The following ZNF681 variants were observed in gnomAD, a reference collection of about 807,000 sequenced individuals.
ZNF681 encodes zinc finger protein 681.
In ZNF681, 37 loss-of-function variants were observed where a neutral mutation model predicts 56.0. The observed-to-expected ratio is 0.66, with a 90% CI of 0.51 to 0.87. The LOEUF is 0.87. Among genes scored for constraint, ZNF681 ranks in the 40% least tolerant of loss-of-function variants. The probability of loss-of-function intolerance (pLI) is 0.00; values close to 1 mark genes in which losing one functional copy is unlikely to be tolerated. For synonymous variants in ZNF681, 225 were observed against 248.6 expected (o/e 0.91, Z 0.89); for missense variants, 741 against 744.9 (o/e 0.99, Z 0.06).
At chr19:23,758,717 C>CT in intron 1 of ZNF681, 30 bp downstream of exon 1, 1 of 1,614,214 alleles carries the variant, frequency 6.2e-7, no homozygotes, top group Non-Finnish European at 8.5e-7. Flanking sequence ...CCCTTCCCCT[C>CT]TCTCGGGATG....
chr19:23,758,444 C>G (rs1286330876), intron 1 of ZNF681, among the ~76,000 whole-genome samples: 2 of 152,188 alleles, frequency 1.3e-5, no homozygotes, highest in Non-Finnish European at 2.9e-5. Flanking sequence ...GAACCCGGCA[C>G]CCGTCAGGAT....
chr19:23,748,174 CATT>C (rs1968973065), intron 3 of ZNF681, among the ~76,000 whole-genome samples: 2 of 151,902 alleles, frequency 1.3e-5, no homozygotes, highest in South Asian at 4.2e-4. Context: ...ATCAAAAAAA[CATT>C]AGAGTGACAA....
Position 23,740,638 on chromosome 19 carries a change from G to T in ZNF681, c.*2974C>A, listed in dbSNP as rs530862174. The T allele has an allele frequency of 6.6e-6, 1 of 151,084 alleles. No homozygotes were observed. The highest frequency in any genetic ancestry group is 1.9e-4 in the East Asian group (1 of 5,168). The allele number at this position is 151,084 out of a possible 1,614,324, so 9.4% of individuals were successfully genotyped here. ...TATATAAAAACATCCTCATGATTTA[G>T]GAAGCCCCCCTAGTACTCACCTAAA... On this transcript the variant is annotated 3_prime_UTR_variant, in exon 4 of 4. Transcript: ENST00000402377.
Position 23,744,718 on chromosome 19 carries a change from C to T in ZNF681, c.832G>A (p.Gly278Arg), listed in dbSNP as rs776035599. 1 of 1,613,886 alleles carries T rather than the reference C, an allele frequency of 6.2e-7. No individual in the cohort carries two copies. The highest frequency in any genetic ancestry group is 1.1e-5 in the South Asian group (1 of 91,058). ...HITTHTIIHT[G>R]ENPYKREECD... ...TCTTCACGTTTGTAGGGATTCTCTCCAGTATGAATTATTGTATGTGTTGTA... is the reference window on the plus strand; with the variant it reads ...TCTTCACGTTTGTAGGGATTCTCTCTAGTATGAATTATTGTATGTGTTGTA... Residue 278 changes from glycine (G) to arginine (R), a missense_variant, in exon 4 of 4, where the codon GGA becomes AGA. Gly to Arg is a moderately radical substitution (Grantham distance 125). Transcript: ENST00000402377.
chr19:23,750,825 TAAA>T (rs56245204), intron 3 of ZNF681, among the ~76,000 whole-genome samples: 1 of 128,818 alleles, frequency 7.8e-6, no homozygotes, highest in African/African-American at 2.9e-5. Flanking sequence ...ACCGCATCTC[TAAA>T]AAAAAAAAAA....
At chr19:23,749,784 T>C (rs530380766) in intron 3 of ZNF681, among the ~76,000 whole-genome samples, 23 of 124,580 alleles carry the variant, frequency 1.8e-4, no homozygotes, top group Non-Finnish European at 3.5e-4. Context: ...CATTTTATGT[T>C]ATGTGTTTTT....
chr19:23,758,311 G>C (rs1032454714), intron 1 of ZNF681, among the ~76,000 whole-genome samples: 1 of 152,162 alleles, frequency 6.6e-6, no homozygotes, highest in African/African-American at 2.4e-5. Context: ...AGGCTGTCTC[G>C]GCCTCCCAAA....
At position 23,745,322 on chromosome 19, in the gene ZNF681, A is replaced by G; in HGVS notation, c.228T>C (p.Val76=). 1 of 1,526,562 alleles carries G rather than the reference A, an allele frequency of 6.6e-7. No individual in the cohort carries two copies. Among genetic ancestry groups the G allele is most frequent in the East Asian group, 2.3e-5 (1 of 43,816 alleles). 94.6% of individuals were successfully genotyped at this position (1,526,562 alleles called of 1,614,324 possible). Residue 76 remains valine, a splice_region_variant and synonymous_variant, in exon 4 of 4, where the codon GTT becomes GTC. Transcript: ENST00000402377. ...AGTCTTGGGCAAAATGAGAACAAAT[A>G]ACTGAAAGAAATAAAAATAACAAAT... ...KRHRMVAEPP[V]ICSHFAQDFS... is the part of the protein sequence containing the mutation.
intron 3 of ZNF681, among the ~76,000 whole-genome samples, chr19:23,748,415 G>A (rs1282034742): frequency 1.3e-5 from 2 of 152,160 alleles, no homozygotes; most frequent in Non-Finnish European, 2.9e-5. Context: ...GCTCCTTGAG[G>A]TTATCTACTG....
intron 3 of ZNF681, among the ~76,000 whole-genome samples, chr19:23,752,509 T>C (rs1969046736): frequency 1.3e-4 from 1 of 7,428 alleles, no homozygotes; most frequent in African/African-American, 1.6e-4. Flanking sequence ...TAAATAAGAC[T>C]CAACCATATA....
chr19:23,748,019 T>C (rs1279898382), intron 3 of ZNF681, among the ~76,000 whole-genome samples: 1 of 152,006 alleles, frequency 6.6e-6, no homozygotes, highest in Non-Finnish European at 1.5e-5. Context: ...TTAAATAAAA[T>C]ACTTAAACAT....
At chr19:23,754,019 G>GA (rs138757972) in intron 3 of ZNF681, among the ~76,000 whole-genome samples, 21 of 142,380 alleles carry the variant, frequency 1.5e-4, no homozygotes, top group South Asian at 2.2e-4. Flanking sequence ...GCAATCTTGA[G>GA]AAAAAAAAAA....
At chr19:23,752,272 T>C (rs970821990) in intron 3 of ZNF681, among the ~76,000 whole-genome samples, 1 of 152,220 alleles carries the variant, frequency 6.6e-6, no homozygotes, top group Non-Finnish European at 1.5e-5. Flanking sequence ...AGCCACAGTC[T>C]GTAAGAGGTC....
At position 23,744,933 on chromosome 19, in the gene ZNF681, G is replaced by T; in HGVS notation, c.617C>A (p.Ala206Asp). 1 of 1,600,320 alleles carries T rather than the reference G, an allele frequency of 6.2e-7. No individual in the cohort carries two copies. Among genetic ancestry groups the T allele is most frequent in the Non-Finnish European group, 8.5e-7 (1 of 1,173,802 alleles). ...NFYKCEDCGK[A>D]FNGSSIFTKH... is the part of the protein sequence containing the mutation. ...AGTAAAGATTGAGGATCCATTAAAG[G>T]CTTTTCCACAGTCTTCACATTTGTA... The change falls in exon 4 of 4, where the codon GCC becomes GAC. Residue 206 changes from alanine to aspartate, a missense_variant. Ala to Asp is a moderately radical substitution (Grantham distance 126). Coordinates refer to ENST00000402377, the MANE Select transcript of ZNF681 (RefSeq NM_138286.3).
chr19:23,754,391 G>C (rs1012423825), intron 3 of ZNF681, among the ~76,000 whole-genome samples: 1 of 152,122 alleles, frequency 6.6e-6, no homozygotes, highest in Non-Finnish European at 1.5e-5. Context: ...CGGCAGGGTG[G>C]CGTGGCTCAT....
chr19:23,758,559 G>T (rs1452442883), intron 1 of ZNF681, among the ~76,000 whole-genome samples, 188 bp downstream of exon 1: 1 of 152,220 alleles, frequency 6.6e-6, no homozygotes, highest in Non-Finnish European at 1.5e-5. Context: ...CACAGTCACT[G>T]AGCAGGGAGG....
Position 23,744,561 on chromosome 19 carries a change from A to G in ZNF681, c.989T>C (p.Ile330Thr). Residue 330 changes from isoleucine (I) to threonine (T), a missense_variant, in exon 4 of 4, where the codon ATA becomes ACA. Coordinates refer to ENST00000402377, the MANE Select transcript of ZNF681 (RefSeq NM_138286.3). ...GTAGGGTTTCTCTCCAGTATGAATT[A>G]TCTTATGTCTGGTAAGGTGTGAGGA... is the stretch of plus-strand genomic sequence containing the variant. Reference protein sequence around the residue: ...NQSSHLTRHKIIHTGEKPYKC... With the variant: ...NQSSHLTRHKTIHTGEKPYKC... 6.2e-7 allele frequency: 1 copy of G among 1,612,740 alleles called. No individual in the cohort carries two copies. The highest frequency in any genetic ancestry group is 1.3e-5 in the African/African-American group (1 of 74,686).
Position 23,739,377 on chromosome 19 carries a change from G to A in ZNF681, c.*4235C>T, listed in dbSNP as rs1303409097. 6.6e-6 allele frequency: 1 copy of A among 152,166 alleles called. No individual in the cohort carries two copies. Among genetic ancestry groups the A allele is most frequent in the Non-Finnish European group, 1.5e-5 (1 of 68,030 alleles). The allele number at this position is 152,166 out of a possible 1,614,324, so 9.4% of individuals were successfully genotyped here. A position where few individuals can be genotyped will look rare whatever the true frequency, so the allele number is the denominator to read the frequency against. The stretch of plus-strand genomic sequence containing the variant: ...GATGTCAGTCAAATACATAATTACA[G>A]TTGAATAGGAGAAATAAGTTCAAAA... On this transcript the variant is annotated 3_prime_UTR_variant, in exon 4 of 4. Transcript: ENST00000402377.
chr19:23,756,932 G>A (rs755730380), intron 1 of ZNF681, among the ~76,000 whole-genome samples: 6 of 151,882 alleles, frequency 4.0e-5, no homozygotes, highest in Non-Finnish European at 8.8e-5. Flanking sequence ...GTGCCATGGC[G>A]TGATCTCGGG....
Sources: gnomAD v4.1 joint callset for allele counts (sites outside exome capture counted in the v4.1 genomes callset) on GRCh38, gnomAD v4.1.1 for gene constraint, MANE v1.5 for transcripts, NCBI Gene and HGNC (gene_info 2026-07-23, HGNC 2026-07-21) for gene names.